Variants in GSE1 observed in about 807,000 individuals in gnomAD.
The protein encoded by GSE1 is Gse1 coiled-coil protein, also known as genetic suppressor element 1.
Under a neutral mutation model 112.6 loss-of-function variants are expected in GSE1, and 32 were observed. The ratio of observed to expected loss-of-function variants is 0.28; its 90% CI spans 0.21 to 0.38. The LOEUF is 0.38. Among genes scored for constraint, GSE1 ranks in the 10% least tolerant of loss-of-function variants. GSE1 has a pLI of 1.00. For synonymous variants in GSE1, 1,115 were observed against 735.6 expected (o/e 1.52, Z -8.35); for missense variants, 2,348 against 1,699.2 (o/e 1.38, Z -6.71).
chr16:85,661,500 G>C lies in GSE1; in HGVS notation c.1995G>C (p.Gln665His). The C allele has an allele frequency of 1.9e-6, 3 of 1,611,890 alleles. No individual in the cohort carries two copies. The highest frequency in any genetic ancestry group is 1.7e-6 in the Non-Finnish European group (2 of 1,179,600). The stretch of plus-strand genomic sequence containing the variant: ...GAGAGGGAGGGAGCCTGGAGCACCA[G>C]CCCTTCCTGCCCGGGCCCGGGCCCT... The part of the protein sequence containing the change: ...PPREGGSLEH[Q>H]PFLPGPGPFL... Residue 665 changes from glutamine (Q) to histidine (H), a missense_variant, in exon 9 of 16, where the codon CAG becomes CAC. Transcript: ENST00000253458.
chr16:85,404,485 C>A (rs1225775450), intron 2 of GSE1, among the ~76,000 whole-genome samples: 1 of 49,484 alleles, frequency 2.0e-5, no homozygotes, highest in African/African-American at 1.3e-4. Context: ...CTCACCGTTA[C>A]ACTCAGGGCC....
intron 1 of GSE1, among the ~76,000 whole-genome samples, chr16:85,233,456 C>G (rs1156812608): frequency 6.6e-6 from 1 of 152,194 alleles, no homozygotes; most frequent in Non-Finnish European, 1.5e-5. Context: ...GCCCCGTTCT[C>G]TCCTCCTGAG....
intron 2 of GSE1, among the ~76,000 whole-genome samples, chr16:85,369,424 C>T (rs2047249590): frequency 6.6e-6 from 1 of 152,072 alleles, no homozygotes; most frequent in Non-Finnish European, 1.5e-5. Flanking sequence ...CTCTGTTGTG[C>T]AGGCTGGTCT....
intron 1 of GSE1, among the ~76,000 whole-genome samples, chr16:85,175,906 A>G (rs1051248610): frequency 5.9e-5 from 9 of 152,216 alleles, no homozygotes; most frequent in African/African-American, 1.9e-4. Flanking sequence ...TCACTCAGCT[A>G]GTAACCCCAG....
At chr16:85,504,036 T>G (rs6564126) in intron 2 of GSE1, among the ~76,000 whole-genome samples, 97,423 of 152,126 alleles carry the variant, frequency 0.64, 33,272 homozygotes, top group African/African-American at 0.89. Flanking sequence ...AGCGCCATCC[T>G]CCGCCCGCCC....
At chr16:85,198,762 T>A (rs535275083) in intron 1 of GSE1, among the ~76,000 whole-genome samples, 3 of 151,976 alleles carry the variant, frequency 2.0e-5, no homozygotes, top group Non-Finnish European at 4.4e-5. Context: ...TGAGAAAATA[T>A]GAGCTAGAGT....
chr16:85,278,682 C>T (rs939489885), intron 1 of GSE1: 1 of 152,168 alleles, frequency 6.6e-6, no homozygotes, highest in Admixed American at 6.5e-5. Context: ...CCTTCCTGTC[C>T]AAAGTATTTG....
At chr16:85,506,478 G>T (rs541024208) in intron 2 of GSE1, among the ~76,000 whole-genome samples, 2 of 152,198 alleles carry the variant, frequency 1.3e-5, no homozygotes, top group South Asian at 4.1e-4. Flanking sequence ...CCAGGAAAAG[G>T]GGGCAAGACA....
chr16:85,170,356 C>G, exon 1 of GSE1: 2 of 985,446 alleles, frequency 2.0e-6, no homozygotes, highest in Non-Finnish European at 2.4e-6. Context: ...CATTCAGGAT[C>G]CCTGGCAAGG....
chr16:85,271,444 G>C (rs1340276424), intron 1 of GSE1, among the ~76,000 whole-genome samples: 3 of 152,224 alleles, frequency 2.0e-5, no homozygotes, highest in Non-Finnish European at 4.4e-5. Flanking sequence ...ATCAGGGCTT[G>C]GGAACTGGTG....
chr16:85,384,361 C>T (rs1224099946), intron 2 of GSE1, among the ~76,000 whole-genome samples: 3 of 152,220 alleles, frequency 2.0e-5, no homozygotes, highest in Non-Finnish European at 4.4e-5. Flanking sequence ...CCAAGGGCTC[C>T]ACTTCCTCCC....
Position 85,665,132 on chromosome 16 carries a change from A to G in GSE1, c.2758+4A>G, listed in dbSNP as rs1350094540. On this transcript the variant is annotated splice_donor_region_variant and intron_variant, in intron 12 of 15. Transcript: ENST00000253458. ...AGTCCTGCCGTCTCCCTGAGTGGTA[A>G]GGGAAGGATAGCCCCACCTGCCACC... The G allele has an allele frequency of 6.4e-7, 1 of 1,559,874 alleles. No individual in the cohort carries two copies. Among genetic ancestry groups the G allele is most frequent in the Non-Finnish European group, 8.8e-7 (1 of 1,131,564 alleles).
intron 1 of GSE1, among the ~76,000 whole-genome samples, chr16:85,222,474 A>G (rs929980713): frequency 2.0e-5 from 3 of 152,218 alleles, no homozygotes; most frequent in Non-Finnish European, 4.4e-5. Context: ...GAGTTCTCCA[A>G]GACGTGCCTG....
chr16:85,310,055 A>G (rs1294473020), intron 1 of GSE1, among the ~76,000 whole-genome samples: 1 of 150,820 alleles, frequency 6.6e-6, no homozygotes, highest in Non-Finnish European at 1.5e-5. Flanking sequence ...GAGCCCAGGC[A>G]TAAGCCCAGG....
chr16:85,602,964 C>G (rs1436351342), intron 1 of GSE1, among the ~76,000 whole-genome samples: 7 of 152,356 alleles, frequency 4.6e-5, no homozygotes, highest in Non-Finnish European at 8.8e-5. Context: ...TTCCCTGTGC[C>G]CCTGCCTGGG....
At chr16:85,459,581 T>C (rs2049919344) in intron 2 of GSE1, among the ~76,000 whole-genome samples, 1 of 152,226 alleles carries the variant, frequency 6.6e-6, no homozygotes, top group Non-Finnish European at 1.5e-5. Flanking sequence ...TCCATTTCCA[T>C]GCTCTGCCTG....
At chr16:85,224,571 C>A (rs770913719) in intron 1 of GSE1, among the ~76,000 whole-genome samples, 1 of 152,140 alleles carries the variant, frequency 6.6e-6, no homozygotes, top group African/African-American at 2.4e-5. Context: ...GTTCCTTGAG[C>A]ATCTACTATG....
chr16:85,331,929 G>C (rs2046384070), intron 1 of GSE1, among the ~76,000 whole-genome samples: 2 of 151,878 alleles, frequency 1.3e-5, no homozygotes, highest in Admixed American at 1.3e-4. Flanking sequence ...CCTTTAATGA[G>C]CGCATGCAGC....
intron 2 of GSE1, among the ~76,000 whole-genome samples, chr16:85,422,323 G>C (rs1269941640): frequency 6.6e-6 from 1 of 152,220 alleles, no homozygotes; most frequent in Non-Finnish European, 1.5e-5. Flanking sequence ...CGAGGCTCCC[G>C]GCAAGACTGA....
Sources: allele counts gnomAD v4.1 joint callset (sites outside exome capture counted in the v4.1 genomes callset), GRCh38; gene constraint gnomAD v4.1.1; transcripts MANE v1.5; gene names NCBI Gene and HGNC (gene_info 2026-07-23, HGNC 2026-07-21).